The following ADAMTSL1 variants were observed in gnomAD, a reference collection of about 807,000 sequenced individuals.
ADAMTSL1 encodes the protein ADAMTS-like protein 1.
A neutral mutation model predicts 201.8 loss-of-function variants in ADAMTSL1; 126 were observed. That is an observed-to-expected ratio of 0.62 (90% CI 0.54 to 0.72). ADAMTSL1 has a LOEUF of 0.72. Among genes scored for constraint, ADAMTSL1 ranks in the 30% least tolerant of loss-of-function variants. The pLI is 0.00. For synonymous variants in ADAMTSL1, 1,121 were observed against 903.4 expected (o/e 1.24, Z -4.32); for missense variants, 2,679 against 2,277.8 (o/e 1.18, Z -3.59).
In ADAMTSL1 at chr9:18,807,374, G is replaced by C. The variant is rs377348105; in HGVS notation, c.3806-9735G>C. Among the ~76,000 whole-genome samples the C allele has an allele frequency of 5.4e-4, 83 of 152,310 alleles. 1 individual carries two copies. The highest frequency in any genetic ancestry group is 1.8e-3 in the African/African-American group (74 of 41,570). On this transcript the variant is annotated intron_variant, in intron 20 of 28. Coordinates refer to ENST00000380548, the MANE Select transcript of ADAMTSL1 (RefSeq NM_001040272.6). ...GCATACATAGTACAGGCCGGGCGCG[G>C]TAGCTCACGCCTGAAATCCCAGCAC...
At chr9:18,204,745 T>C (rs1047947623) in intron 2 of ADAMTSL1, among the ~76,000 whole-genome samples, 2 of 152,110 alleles carry the variant, frequency 1.3e-5, no homozygotes, top group Non-Finnish European at 2.9e-5. Flanking sequence ...GGGAGGGGAA[T>C]CTATTGGCTA....
intron 1 of ADAMTSL1, among the ~76,000 whole-genome samples, chr9:18,145,647 G>A (rs933289416): frequency 2.0e-5 from 3 of 152,122 alleles, no homozygotes; most frequent in African/African-American, 7.2e-5. Flanking sequence ...GCAAACCTAT[G>A]AAATTCCTTG....
chr9:18,374,845 T>C (rs557980807), intron 2 of ADAMTSL1, among the ~76,000 whole-genome samples: 20 of 152,302 alleles, frequency 1.3e-4, no homozygotes, highest in African/African-American at 4.3e-4. Context: ...CCCCTCTCCA[T>C]TTTCACATCA....
chr9:18,901,649 A>G (rs1024512357), intron 26 of ADAMTSL1, among the ~76,000 whole-genome samples: 7 of 152,204 alleles, frequency 4.6e-5, no homozygotes, highest in Non-Finnish European at 1.0e-4. Context: ...AACAACAAAG[A>G]AAATATGTAT....
intron 1 of ADAMTSL1, among the ~76,000 whole-genome samples, 190 bp downstream of exon 1, chr9:18,474,485 T>G (rs1471522672): frequency 6.6e-6 from 1 of 152,184 alleles, no homozygotes; most frequent in Non-Finnish European, 1.5e-5. Flanking sequence ...CCAAGCAAGA[T>G]AAAGTCTGCA....
Position 18,909,307 on chromosome 9 carries a change from T to C in ADAMTSL1, c.*759T>C, listed in dbSNP as rs1220884186. The C allele has an allele frequency of 3.9e-5, 6 of 152,494 alleles. No homozygotes were observed. The highest frequency in any genetic ancestry group is 6.5e-5 in the Admixed American group (1 of 15,306). 9.4% of individuals were successfully genotyped at this position (152,494 alleles called of 1,614,324 possible). ...CTGCATGAGGCTCATGGACCAGCTCTGATCCCATGCATGTGCGCATGCTCA... is the reference window on the plus strand; with the variant it reads ...CTGCATGAGGCTCATGGACCAGCTCCGATCCCATGCATGTGCGCATGCTCA... On this transcript the variant is annotated 3_prime_UTR_variant, in exon 29 of 29. Transcript: ENST00000380548.
At chr9:17,979,949 G>A (rs965116884) in intron 1 of ADAMTSL1, among the ~76,000 whole-genome samples, 1 of 152,050 alleles carries the variant, frequency 6.6e-6, no homozygotes, top group Non-Finnish European at 1.5e-5. Flanking sequence ...AACTGAGGGG[G>A]CTAACATGAA....
chr9:18,374,230 G>A (rs1272332234), intron 2 of ADAMTSL1, among the ~76,000 whole-genome samples: 1 of 152,154 alleles, frequency 6.6e-6, no homozygotes, highest in South Asian at 2.1e-4. Flanking sequence ...CTTCCTTGGA[G>A]CCGTAAAGAA....
intron 2 of ADAMTSL1, among the ~76,000 whole-genome samples, chr9:18,211,098 A>T (rs1829854577): frequency 6.6e-6 from 1 of 152,186 alleles, no homozygotes; most frequent in Admixed American, 6.5e-5. Flanking sequence ...CTAACCCTGG[A>T]GCACTATTTA....
intron 4 of ADAMTSL1, among the ~76,000 whole-genome samples, chr9:18,590,883 CA>C (rs1823869517): frequency 6.6e-6 from 1 of 151,920 alleles, no homozygotes; most frequent in Non-Finnish European, 1.5e-5. Context: ...TCATTGTGGT[CA>C]AAAAAGATAC....
chr9:18,185,426 A>G (rs896844627), intron 2 of ADAMTSL1, among the ~76,000 whole-genome samples: 19 of 152,084 alleles, frequency 1.2e-4, no homozygotes, highest in Admixed American at 8.5e-4. Context: ...TGACACTTCT[A>G]TTTCAGCCTT....
At chr9:18,652,439 T>C (rs1016903893) in intron 7 of ADAMTSL1, among the ~76,000 whole-genome samples, 2 of 151,218 alleles carry the variant, frequency 1.3e-5, no homozygotes, top group South Asian at 2.1e-4. Flanking sequence ...TTGGGTAGGA[T>C]TGAAATACAA....
chr9:18,749,986 G>A (rs984357530), intron 15 of ADAMTSL1, among the ~76,000 whole-genome samples: 2 of 152,286 alleles, frequency 1.3e-5, no homozygotes, highest in Non-Finnish European at 2.9e-5. Flanking sequence ...AAGTGAGGAT[G>A]TAAAGCCTCT....
chr9:18,296,272 C>T (rs770655509), intron 2 of ADAMTSL1, among the ~76,000 whole-genome samples: 1 of 152,016 alleles, frequency 6.6e-6, no homozygotes, highest in South Asian at 2.1e-4. Flanking sequence ...AAAACATAAC[C>T]AAATATAATA....
intron 2 of ADAMTSL1, among the ~76,000 whole-genome samples, chr9:18,365,172 A>G (rs1253546923): frequency 6.6e-6 from 1 of 152,200 alleles, no homozygotes; most frequent in Non-Finnish European, 1.5e-5. Flanking sequence ...TTCCACCAAT[A>G]GTAGACTAGA....
chr9:18,850,191 G>C (rs1826398899), intron 23 of ADAMTSL1, among the ~76,000 whole-genome samples: 1 of 152,174 alleles, frequency 6.6e-6, no homozygotes, highest in South Asian at 2.1e-4. Flanking sequence ...ACTTGCTCCT[G>C]CCCTTTCCTG....
chr9:18,290,563 G>A (rs1042715807), intron 2 of ADAMTSL1, among the ~76,000 whole-genome samples: 3 of 152,058 alleles, frequency 2.0e-5, no homozygotes, highest in African/African-American at 4.8e-5. Flanking sequence ...TCACATGGGG[G>A]CTGTGATGTA....
chr9:18,695,469 C>A (rs1831494889), intron 13 of ADAMTSL1, among the ~76,000 whole-genome samples: 1 of 152,200 alleles, frequency 6.6e-6, no homozygotes, highest in African/African-American at 2.4e-5. Context: ...CAGGTTATGT[C>A]TTTGCTCATG....
At chr9:18,712,822 G>A (rs1050804461) in intron 14 of ADAMTSL1, among the ~76,000 whole-genome samples, 3 of 150,786 alleles carry the variant, frequency 2.0e-5, no homozygotes, top group East Asian at 1.9e-4. Flanking sequence ...TTGAAATGAA[G>A]GAAAAAATGT....
Sources: gnomAD v4.1 joint callset for allele counts (sites outside exome capture counted in the v4.1 genomes callset) on GRCh38, gnomAD v4.1.1 for gene constraint, MANE v1.5 for transcripts, NCBI Gene and HGNC (gene_info 2026-07-23, HGNC 2026-07-21) for gene names.